Variants in PCDH11X observed in about 807,000 individuals in gnomAD.
The protein encoded by PCDH11X is protocadherin 11 X-linked, also known as protocadherin-11 X-linked.
Under a neutral mutation model 53.3 loss-of-function variants are expected in PCDH11X, and 18 were observed. That is an observed-to-expected ratio of 0.34 (90% CI 0.23 to 0.50). PCDH11X has a LOEUF of 0.50. Ranked by LOEUF, PCDH11X falls within the 20% of genes least tolerant of loss-of-function variation. The probability of loss-of-function intolerance (pLI) is 0.98; values close to 1 mark genes in which losing one functional copy is unlikely to be tolerated. For missense variants in PCDH11X, 570 were observed against 1,032.4 expected, an observed-to-expected ratio of 0.55 and a Z score of 6.14; for synonymous variants, 279 against 393.3, an observed-to-expected ratio of 0.71 and a Z score of 3.44.
At chrX:92,544,419 T>A (rs1416462527) in intron 10 of PCDH11X, among the ~76,000 whole-genome samples, 1 of 111,772 alleles carries the variant, frequency 8.9e-6, no homozygotes, top group African/African-American at 3.2e-5. Flanking sequence ...TAGCAAAACA[T>A]TTTGCCCTTG....
chrX:92,389,915 C>T (rs1343230843), intron 9 of PCDH11X, among the ~76,000 whole-genome samples: 36 of 108,396 alleles, frequency 3.3e-4, no homozygotes, highest in Non-Finnish European at 5.8e-4. Flanking sequence ...TTATCTTGAA[C>T]ATTAAATATC....
chrX:92,075,702 A>C (rs1476497540), intron 6 of PCDH11X, among the ~76,000 whole-genome samples: 3 of 111,965 alleles, frequency 2.7e-5, no homozygotes, highest in Non-Finnish European at 3.8e-5. Context: ...TCTTTAAAAG[A>C]AAAACTATCC....
chrX:92,369,084 G>T (rs1232460675), intron 8 of PCDH11X, among the ~76,000 whole-genome samples: 1 of 97,773 alleles, frequency 1.0e-5, no homozygotes, highest in African/African-American at 3.8e-5. Flanking sequence ...CCAGCAGGCA[G>T]GAATGATGAT....
At chrX:92,157,376 T>A (rs1466985168) in intron 6 of PCDH11X, among the ~76,000 whole-genome samples, 1 of 111,973 alleles carries the variant, frequency 8.9e-6, no homozygotes, top group African/African-American at 3.2e-5. Context: ...AATTTTTTTA[T>A]TCCTACTGAG....
chrX:92,108,624 C>T (rs765334105), intron 6 of PCDH11X, among the ~76,000 whole-genome samples: 12 of 111,627 alleles, frequency 1.1e-4, no homozygotes, highest in Non-Finnish European at 2.3e-4. Flanking sequence ...TACTACATGG[C>T]TGGTTTTTGA....
At chrX:92,219,701 A>G (rs1197971259) in intron 7 of PCDH11X, among the ~76,000 whole-genome samples, 1 of 94,314 alleles carries the variant, frequency 1.1e-5, no homozygotes, top group Non-Finnish European at 2.1e-5. Context: ...AAACTACTTT[A>G]AAGTTCATAT....
chrX:92,502,638 T>C (rs1347476645), intron 10 of PCDH11X, among the ~76,000 whole-genome samples: 1 of 110,299 alleles, frequency 9.1e-6, no homozygotes, highest in Non-Finnish European at 1.9e-5. Flanking sequence ...ATTTAATTAA[T>C]AATGCTGGGA....
At chrX:92,131,929 T>G (rs2064978676) in intron 6 of PCDH11X, among the ~76,000 whole-genome samples, 1 of 108,576 alleles carries the variant, frequency 9.2e-6, no homozygotes, top group Non-Finnish European at 1.9e-5. Context: ...GGTGGGCTTT[T>G]GTTACATTCC....
intron 10 of PCDH11X, among the ~76,000 whole-genome samples, chrX:92,471,037 A>G (rs902829710): frequency 9.4e-6 from 1 of 105,823 alleles, no homozygotes; most frequent in Non-Finnish European, 1.9e-5. Context: ...TTTCTTAAAT[A>G]TTCGTTAGAA....
At chrX:92,380,277 G>A (rs1450553755) in intron 8 of PCDH11X, among the ~76,000 whole-genome samples, 2 of 108,219 alleles carry the variant, frequency 1.8e-5, no homozygotes, top group East Asian at 5.8e-4. Flanking sequence ...CGCAGTGGCC[G>A]GAACTTGTGC....
intron 8 of PCDH11X, among the ~76,000 whole-genome samples, chrX:92,311,567 G>T (rs182384432): frequency 9.0e-6 from 1 of 111,427 alleles, no homozygotes; most frequent in Admixed American, 9.6e-5. Flanking sequence ...CTCAAAGAAT[G>T]AAATATAATT....
chrX:91,798,159 T>G (rs1465495880), intron 1 of PCDH11X: 1 of 111,401 alleles, frequency 9.0e-6, no homozygotes, highest in East Asian at 2.8e-4. Flanking sequence ...ATATCTGATA[T>G]ATCCTCTGTC....
At chrX:92,025,363 AAAAC>A (rs773847010) in intron 6 of PCDH11X, among the ~76,000 whole-genome samples, 9 of 107,396 alleles carry the variant, frequency 8.4e-5, no homozygotes, top group South Asian at 4.3e-4. Flanking sequence ...ACAAGAAAAA[AAAAC>A]AAACAACCCC....
rs1194379824 is a variant in PCDH11X at position 92,416,274 on chromosome X, T to C, written c.3343+28341T>C. 2.7e-5 allele frequency among the ~76,000 whole-genome samples: 3 copies of C among 110,405 alleles called. No homozygotes were observed. In the South Asian group the frequency reaches 1.1e-3, roughly 42 times the overall value. On this transcript the variant is annotated intron_variant, in intron 9 of 10. Coordinates refer to ENST00000682573, the MANE Select transcript of PCDH11X (RefSeq NM_032968.5). ...CTAATTGATAGAACAATAGGGTGAC[T>C]ATAGTCAATAATAACTGTACATTTT...
At position 92,349,833 on chromosome X, in the gene PCDH11X, G is replaced by A. The variant is rs80219698; in HGVS notation, c.3145-37902G>A. Among the ~76,000 whole-genome samples, 244 of 109,451 alleles carry A rather than the reference G, an allele frequency of 2.2e-3. 6 individuals carry two copies. The East Asian group carries it at 0.043, about 19-fold the overall frequency. Reference sequence around the variant, plus strand: ...TATTGGCTAATTTTGTCCAATGTAGGCTAATGTAAGTGTTCTGAGGACGGT... The same window carrying A: ...TATTGGCTAATTTTGTCCAATGTAGACTAATGTAAGTGTTCTGAGGACGGT... On this transcript the variant is annotated intron_variant, in intron 8 of 10. Transcript: ENST00000682573.
At chrX:92,377,317 G>T (rs2070774255) in intron 8 of PCDH11X, among the ~76,000 whole-genome samples, 7 of 110,406 alleles carry the variant, frequency 6.3e-5, no homozygotes, top group Admixed American at 5.8e-4. Context: ...ATGAATGAAG[G>T]TGCCCCAACA....
intron 4 of PCDH11X, among the ~76,000 whole-genome samples, chrX:91,825,681 C>T (rs1398117097): frequency 5.2e-4 from 56 of 108,653 alleles, no homozygotes; most frequent in Non-Finnish European, 8.3e-4. Flanking sequence ...TGTTCCTATT[C>T]GGCCATCTTG....
At chrX:91,829,450 T>TTA (rs1937038852) in intron 4 of PCDH11X, among the ~76,000 whole-genome samples, 4 of 97,260 alleles carry the variant, frequency 4.1e-5, no homozygotes, top group Non-Finnish European at 8.4e-5. Flanking sequence ...ACACCCACAA[T>TTA]TATATATATA....
rs951343186 is a variant in PCDH11X, at chrX:92,023,250, A to T, written c.3033+143977A>T. ...AGGAGCTAGTTTTTCAAAAAAAAAAATTAACAAAATAGACAGACCACTAGC... is the reference window on the plus strand; with the variant it reads ...AGGAGCTAGTTTTTCAAAAAAAAAATTTAACAAAATAGACAGACCACTAGC... On this transcript the variant is annotated intron_variant, in intron 6 of 10. Coordinates refer to ENST00000682573, the MANE Select transcript of PCDH11X (RefSeq NM_032968.5). Among the ~76,000 whole-genome samples, 5 of 110,155 alleles carry T rather than the reference A, an allele frequency of 4.5e-5. 1 individual carries two copies. The highest frequency in any genetic ancestry group is 2.0e-4 in the Admixed American group (2 of 10,212).
Sources: allele counts gnomAD v4.1 joint callset (sites outside exome capture counted in the v4.1 genomes callset), GRCh38; gene constraint gnomAD v4.1.1; transcripts MANE v1.5; gene names NCBI Gene and HGNC (gene_info 2026-07-23, HGNC 2026-07-21).